ATRNL1: variants seen among roughly 807,000 people sequenced by gnomAD.
ATRNL1 encodes the protein attractin like 1, also known as attractin-like protein 1.
Under a neutral mutation model 182.7 loss-of-function variants are expected in ATRNL1, and 95 were observed. That is an observed-to-expected ratio of 0.52 (90% CI 0.44 to 0.62). ATRNL1 has a LOEUF of 0.62. Among genes scored for constraint, ATRNL1 ranks in the 20% least tolerant of loss-of-function variants. The pLI, the probability that ATRNL1 is intolerant of heterozygous loss-of-function variation, is 0.00. For missense variants in ATRNL1, 1,471 were observed against 1,679.5 expected (o/e 0.88, Z 2.17); for synonymous variants, 576 against 568.3 (o/e 1.01, Z -0.19).
At chr10:115,612,665 T>TA (rs1187762488) in intron 26 of ATRNL1, among the ~76,000 whole-genome samples, 1 of 152,240 alleles carries the variant, frequency 6.6e-6, no homozygotes. Flanking sequence ...GTGACTCATG[T>TA]AACAAGATGC....
intron 28 of ATRNL1, among the ~76,000 whole-genome samples, chr10:115,867,530 C>A (rs1195787363): frequency 6.6e-6 from 1 of 152,054 alleles, no homozygotes; most frequent in Non-Finnish European, 1.5e-5. Context: ...CTGAAGTAGT[C>A]CTCTTTCCTC....
intron 28 of ATRNL1, among the ~76,000 whole-genome samples, chr10:115,893,165 CA>C (rs1555111683): frequency 1.3e-5 from 2 of 152,026 alleles, no homozygotes; most frequent in African/African-American, 4.8e-5. Flanking sequence ...TAGATAACGG[CA>C]AAAGCTGGAT....
At position 115,415,946 on chromosome 10, in the gene ATRNL1, T is replaced by G. The variant is rs373903624; in HGVS notation, c.3270-10304T>G. 7.8e-4 allele frequency among the ~76,000 whole-genome samples: 118 copies of G among 152,174 alleles called. 2 individuals are homozygous for G. In the South Asian group the frequency reaches 0.024, roughly 31 times the overall value. On this transcript the variant is annotated intron_variant, in intron 20 of 28. Coordinates refer to ENST00000355044, the MANE Select transcript of ATRNL1 (RefSeq NM_207303.4). ...GTGCTAGTACCATACTATTTAATTA[T>G]AGAGACTTTGAGTATATTTTATATC...
chr10:115,433,288 A>T (rs925516648), intron 21 of ATRNL1, among the ~76,000 whole-genome samples: 6 of 152,098 alleles, frequency 3.9e-5, no homozygotes, highest in Admixed American at 3.9e-4. Flanking sequence ...ACCAATTAAT[A>T]CTTGAATTGA....
chr10:115,440,953 C>T (rs1458693164), intron 21 of ATRNL1, among the ~76,000 whole-genome samples: 2 of 151,910 alleles, frequency 1.3e-5, no homozygotes, highest in African/African-American at 4.8e-5. Context: ...TTACCTCCTA[C>T]TTCATTGAGA....
chr10:115,934,126 T>C (rs1953485517), intron 28 of ATRNL1, among the ~76,000 whole-genome samples: 1 of 152,154 alleles, frequency 6.6e-6, no homozygotes, highest in South Asian at 2.1e-4. Flanking sequence ...GGATTGAAGA[T>C]GACAGAAGTG....
At chr10:115,441,040 T>C (rs1190819547) in intron 21 of ATRNL1, among the ~76,000 whole-genome samples, 1 of 151,850 alleles carries the variant, frequency 6.6e-6, no homozygotes, top group Non-Finnish European at 1.5e-5. Context: ...CACCTATACT[T>C]ATTTTCTCTG....
intron 28 of ATRNL1, among the ~76,000 whole-genome samples, chr10:115,857,955 G>A (rs1951224934): frequency 6.6e-6 from 1 of 152,094 alleles, no homozygotes; most frequent in Non-Finnish European, 1.5e-5. Context: ...TAATTACTGT[G>A]CTCAAAGAGA....
intron 24 of ATRNL1, among the ~76,000 whole-genome samples, chr10:115,501,213 C>A (rs2420083): frequency 5.3e-5 from 8 of 151,872 alleles, no homozygotes; most frequent in African/African-American, 1.9e-4. Context: ...GGATTACAGG[C>A]GTGAGCCACT....
intron 26 of ATRNL1, among the ~76,000 whole-genome samples, chr10:115,623,279 C>CTTT (rs1857891384): frequency 1.3e-5 from 2 of 152,102 alleles, no homozygotes; most frequent in Non-Finnish European, 2.9e-5. Flanking sequence ...GAATCAGTTT[C>CTTT]AGACAGACCG....
chr10:115,885,279 GATA>G (rs1268964739), intron 28 of ATRNL1, among the ~76,000 whole-genome samples: 6 of 152,192 alleles, frequency 3.9e-5, no homozygotes, highest in African/African-American at 1.4e-4. Flanking sequence ...GTCAAGAATT[GATA>G]ATAATACTGT....
chr10:115,103,075 T>TG (rs1334614619), intron 1 of ATRNL1, among the ~76,000 whole-genome samples: 24 of 150,386 alleles, frequency 1.6e-4, no homozygotes, highest in African/African-American at 5.4e-4. Context: ...TCATGCTCTG[T>TG]CACTCAGGCT....
Position 115,925,647 on chromosome 10 carries a change from A to G in ATRNL1, c.4019-19011A>G, listed in dbSNP as rs181050929. On this transcript the variant is annotated intron_variant, in intron 28 of 28. Transcript: ENST00000355044. ...CTGACGAAACAGACTTTAAACCAAC[A>G]ATGATCAAAAAAGACAAAGAAGGGC... Among the ~76,000 whole-genome samples the G allele has an allele frequency of 5.5e-3, 842 of 152,262 alleles. 12 individuals carry two copies. The highest frequency in any genetic ancestry group is 0.037 in the Middle Eastern group (11 of 294).
chr10:115,333,451 A>T (rs1227987352), intron 18 of ATRNL1, among the ~76,000 whole-genome samples: 1 of 151,982 alleles, frequency 6.6e-6, no homozygotes, highest in Non-Finnish European at 1.5e-5. Flanking sequence ...TTACCTAAAG[A>T]AGATACATAT....
At chr10:115,926,786 A>G (rs1439448411) in intron 28 of ATRNL1, among the ~76,000 whole-genome samples, 2 of 152,176 alleles carry the variant, frequency 1.3e-5, no homozygotes, top group Non-Finnish European at 2.9e-5. Flanking sequence ...CCAACCAAAA[A>G]AAAGTCTAGG....
intron 27 of ATRNL1, among the ~76,000 whole-genome samples, chr10:115,818,960 C>G (rs553968918): frequency 2.6e-5 from 4 of 152,244 alleles, no homozygotes; most frequent in African/African-American, 9.6e-5. Context: ...CCACAAAACT[C>G]TCTTCCCTTT....
chr10:115,617,177 G>A (rs1311998530), intron 26 of ATRNL1, among the ~76,000 whole-genome samples: 1 of 152,204 alleles, frequency 6.6e-6, no homozygotes, highest in Non-Finnish European at 1.5e-5. Flanking sequence ...CTCTAGATGT[G>A]AAACATGCAG....
chr10:115,176,623 G>C (rs369237762), intron 8 of ATRNL1, among the ~76,000 whole-genome samples: 1 of 152,006 alleles, frequency 6.6e-6, no homozygotes, highest in South Asian at 2.1e-4. Context: ...GGCCTGAGCA[G>C]CTGGAAAGAT....
chr10:115,458,548 C>T (rs778107664), intron 21 of ATRNL1, among the ~76,000 whole-genome samples: 1 of 151,904 alleles, frequency 6.6e-6, no homozygotes, highest in African/African-American at 2.4e-5. Flanking sequence ...ATTTTCAACT[C>T]TATTAAATAT....
Sources: allele counts gnomAD v4.1 joint callset (sites outside exome capture counted in the v4.1 genomes callset), GRCh38; gene constraint gnomAD v4.1.1; transcripts MANE v1.5; gene names NCBI Gene and HGNC (gene_info 2026-07-23, HGNC 2026-07-21).